The following KLF13 variants were observed in gnomAD, a reference collection of about 807,000 sequenced individuals.
KLF13 encodes the protein KLF transcription factor 13, also known as Krueppel-like factor 13.
In KLF13, 8 loss-of-function variants were observed where a neutral mutation model predicts 16.7. The observed-to-expected ratio is 0.48, with a 90% CI of 0.28 to 0.87. The LOEUF is 0.87. Among genes scored for constraint, KLF13 ranks in the 40% least tolerant of loss-of-function variants. KLF13 has a pLI of 0.10. For missense variants in KLF13, 447 were observed against 452.2 expected, an observed-to-expected ratio of 0.99 and a Z score of 0.10; for synonymous variants, 245 against 208.4, an observed-to-expected ratio of 1.18 and a Z score of -1.51.
At chr15:31,397,376 C>T (rs563344598) in intron 2 of KLF13, among the ~76,000 whole-genome samples, 2 of 152,376 alleles carry the variant, frequency 1.3e-5, no homozygotes, top group African/African-American at 4.8e-5. Context: ...CCGCCGACCC[C>T]GCCCATTGCC....
At chr15:31,428,049 G>A (rs180812358) in intron 1 of KLF13, among the ~76,000 whole-genome samples, 1 of 152,264 alleles carries the variant, frequency 6.6e-6, no homozygotes, top group African/African-American at 2.4e-5. Context: ...AAAAAGACAT[G>A]TTGTCTTATA....
chr15:31,362,796 C>T (rs1026036291), intron 1 of KLF13, among the ~76,000 whole-genome samples: 3 of 152,168 alleles, frequency 2.0e-5, no homozygotes, highest in Admixed American at 6.5e-5. Flanking sequence ...CCAAGGCGCA[C>T]GTAGATCCTT....
At chr15:31,347,510 G>C (rs1162785935) in intron 1 of KLF13, among the ~76,000 whole-genome samples, 1 of 152,206 alleles carries the variant, frequency 6.6e-6, no homozygotes, top group Non-Finnish European at 1.5e-5. Context: ...CTTGACTGTG[G>C]TGATGAGAGA....
intron 1 of KLF13, among the ~76,000 whole-genome samples, chr15:31,351,053 C>A (rs1205081750): frequency 6.6e-6 from 1 of 152,194 alleles, no homozygotes. Context: ...ATCCACCATC[C>A]CTGGACCTGG....
rs2038737669 is a variant in KLF13 at position 31,327,574 on chromosome 15, C to T, written c.362C>T (p.Ala121Val). ...GCGGCGGCCGCGCCCCCCAGCCCGG[C>T]GTGGAGCGAGCCGGAGCCCGAGGCG... ...EGAAAAPPSP[A>V]WSEPEPEAGL... The change falls in exon 1 of 2, where the codon GCG (alanine) becomes GTG (valine). Residue 121 changes from alanine (A) to valine (V), a missense_variant. Around this residue, in one of 2 missense-constraint regions of KLF13, gnomAD observed 359 missense variants for 282.8 expected, o/e 1.27. Coordinates refer to ENST00000307145, the MANE Select transcript of KLF13 (RefSeq NM_015995.4). 1.7e-6 allele frequency: 2 copies of T among 1,178,766 alleles called. No individual in the cohort carries two copies. Among genetic ancestry groups the T allele is most frequent in the South Asian group, 3.3e-5 (1 of 29,930 alleles). The allele number at this position is 1,178,766 out of a possible 1,614,324, so 73.0% of individuals were successfully genotyped here. A position where few individuals can be genotyped will look rare whatever the true frequency, so the allele number is the denominator to read the frequency against.
chr15:31,368,915 C>T (rs1022179487), intron 1 of KLF13, among the ~76,000 whole-genome samples: 1 of 152,048 alleles, frequency 6.6e-6, no homozygotes, highest in Non-Finnish European at 1.5e-5. Context: ...CAGTCCAGCC[C>T]CACTCCCTAG....
chr15:31,394,320 A>T (rs1399906678), intron 2 of KLF13, among the ~76,000 whole-genome samples: 1 of 151,842 alleles, frequency 6.6e-6, no homozygotes, highest in East Asian at 1.9e-4. Flanking sequence ...ACTAAAAAAA[A>T]AATACAAAAA....
At chr15:31,405,660 C>T (rs1316542113), downstream of KLF13, among the ~76,000 whole-genome samples, 1 of 152,124 alleles carries the variant, frequency 6.6e-6, no homozygotes, top group Non-Finnish European at 1.5e-5. Context: ...AGCTGGGTAC[C>T]CTCTGGTGAG....
chr15:31,413,200 AAAC>A (rs1217225610), intron 1 of KLF13, among the ~76,000 whole-genome samples: 6 of 149,782 alleles, frequency 4.0e-5, no homozygotes, highest in African/African-American at 7.3e-5. Flanking sequence ...AAAAAAAAAA[AAAC>A]AAAAAACAAA....
intron 1 of KLF13, among the ~76,000 whole-genome samples, chr15:31,354,961 T>C (rs1433390162): frequency 6.6e-6 from 1 of 152,186 alleles, no homozygotes; most frequent in Non-Finnish European, 1.5e-5. Context: ...AAGCCTGAAG[T>C]CACCCCACAT....
intron 1 of KLF13, among the ~76,000 whole-genome samples, chr15:31,427,323 T>TA (rs1015553953): frequency 2.8e-5 from 4 of 143,466 alleles, no homozygotes; most frequent in South Asian, 2.1e-4. Context: ...AGGACCACTG[T>TA]AAAAAAACAA....
At chr15:31,328,454 G>A (rs977764217) in intron 1 of KLF13, among the ~76,000 whole-genome samples, 1 of 151,974 alleles carries the variant, frequency 6.6e-6, no homozygotes, top group African/African-American at 2.4e-5. Flanking sequence ...GCTCTTTGTG[G>A]GAGCCCCCGC....
intron 1 of KLF13, among the ~76,000 whole-genome samples, chr15:31,348,445 G>T (rs1034653529): frequency 3.3e-5 from 5 of 152,176 alleles, no homozygotes; most frequent in Non-Finnish European, 7.3e-5. Context: ...GTACAGAAAA[G>T]CTAAAAGAAG....
intron 1 of KLF13, among the ~76,000 whole-genome samples, chr15:31,433,509 C>A (rs144139110): frequency 9.2e-5 from 14 of 152,306 alleles, no homozygotes; most frequent in Admixed American, 6.5e-4. Context: ...AGGGTCCCCC[C>A]CTTCCCCAGT....
intron 2 of KLF13, among the ~76,000 whole-genome samples, chr15:31,394,425 T>A (rs2039925036): frequency 6.6e-6 from 1 of 150,772 alleles, no homozygotes; most frequent in Non-Finnish European, 1.5e-5. Flanking sequence ...AGGCGGAGCT[T>A]GCAGTGAGCC....
At chr15:31,413,192 A>G (rs1230988326) in intron 1 of KLF13, among the ~76,000 whole-genome samples, 1 of 149,536 alleles carries the variant, frequency 6.7e-6, no homozygotes, top group Admixed American at 6.7e-5. Flanking sequence ...ATAGACAAAA[A>G]AAAAAAAAAA....
intron 1 of KLF13, chr15:31,340,116 T>A (rs1431802964): frequency 2.9e-6 from 2 of 692,918 alleles, no homozygotes; most frequent in Non-Finnish European, 5.3e-6. Context: ...GTCTTCGTTG[T>A]AGGCCTGCAG....
rs544767247 is a variant in KLF13, at chr15:31,413,657, T to C, written n.117+19966T>C. Among the ~76,000 whole-genome samples, 6 of 152,248 alleles carry C rather than the reference T, an allele frequency of 3.9e-5. No homozygotes were observed. In the South Asian group the frequency reaches 1.2e-3, roughly 32 times the overall value. ...AATGAAGGCAAAATAAAGAAATGCT[T>C]AGGTTAAAAAACAAAACAAAACAAA... On this transcript the variant is annotated intron_variant and non_coding_transcript_variant, in intron 1 of 1. Transcript: ENST00000558225.
chr15:31,340,234 G>A (rs891076555), intron 1 of KLF13, among the ~76,000 whole-genome samples: 4 of 152,250 alleles, frequency 2.6e-5, no homozygotes, highest in Non-Finnish European at 4.4e-5. Flanking sequence ...AACCTCAGGC[G>A]TGAACCTGCC....
Sources: allele counts gnomAD v4.1 joint callset (sites outside exome capture counted in the v4.1 genomes callset), GRCh38; gene constraint gnomAD v4.1.1; regional missense constraint gnomAD v4.1.1; transcripts MANE v1.5; gene names NCBI Gene and HGNC (gene_info 2026-07-23, HGNC 2026-07-21).